SCARA5: variants seen among roughly 807,000 people sequenced by gnomAD.
SCARA5 encodes scavenger receptor class A, member 5 (putative).
SCARA5 carries 45 observed loss-of-function variants against 46.3 expected under a neutral mutation model. The observed-to-expected ratio is 0.97, with a 90% CI of 0.76 to 1.24. The LOEUF is 1.24. SCARA5 is among the 50% of genes most tolerant of loss of function. SCARA5 has a pLI of 0.00. For missense variants in SCARA5, 680 were observed against 689.0 expected (o/e 0.99, Z 0.15); for synonymous variants, 333 against 306.5 (o/e 1.09, Z -0.90).
intron 2 of SCARA5, among the ~76,000 whole-genome samples, chr8:27,982,902 C>T (rs950630447): frequency 2.6e-5 from 4 of 151,960 alleles, no homozygotes; most frequent in Admixed American, 6.5e-5. Flanking sequence ...AAATGAGGGG[C>T]GAGAAGGAAA....
intron 3 of SCARA5, among the ~76,000 whole-genome samples, chr8:27,951,772 G>A (rs775776763): frequency 3.9e-5 from 6 of 152,310 alleles, no homozygotes; most frequent in South Asian, 2.1e-4. Flanking sequence ...GAGGAGGTCC[G>A]GAATCCCTTC....
chr8:27,940,201 C>T (rs1563532682), intron 3 of SCARA5, among the ~76,000 whole-genome samples: 2 of 152,132 alleles, frequency 1.3e-5, no homozygotes, highest in South Asian at 2.1e-4. Context: ...CTTGTTGAGC[C>T]GGTCATAAAG....
At chr8:27,965,490 G>A (rs538250655) in intron 3 of SCARA5, among the ~76,000 whole-genome samples, 85 of 152,038 alleles carry the variant, frequency 5.6e-4, no homozygotes, top group Admixed American at 2.0e-3. Context: ...CCATCACAGT[G>A]CCCGCTGCAT....
At chr8:27,961,592 T>C (rs1259441492) in intron 3 of SCARA5, among the ~76,000 whole-genome samples, 1 of 152,224 alleles carries the variant, frequency 6.6e-6, no homozygotes, top group Non-Finnish European at 1.5e-5. Context: ...AAGGGAGTTC[T>C]TGGCCAAGTG....
chr8:27,884,982 G>A (rs752349674), intron 7 of SCARA5, among the ~76,000 whole-genome samples: 4 of 151,960 alleles, frequency 2.6e-5, no homozygotes, highest in Non-Finnish European at 5.9e-5. Context: ...TTGGACAAGT[G>A]GAGGAGGGAG....
In SCARA5 at chr8:27,870,616, TCC is replaced by T. The variant is rs961071804; in HGVS notation, c.*1316_*1317del. The T allele has an allele frequency of 3.3e-5, 5 of 152,076 alleles. No individual in the cohort carries two copies. The highest frequency in any genetic ancestry group is 5.9e-5 in the Non-Finnish European group (4 of 68,018). The allele number at this position is 152,076 out of a possible 1,614,324, so 9.4% of individuals were successfully genotyped here. The stretch of plus-strand genomic sequence containing the variant: ...CTGCACTCACTTGCTACCAGGTAGC[TCC>T]CCTAGTTCTTGAACATGTGTATGGC... On this transcript the variant is annotated 3_prime_UTR_variant, in exon 9 of 9. Transcript: ENST00000354914.
intron 7 of SCARA5, among the ~76,000 whole-genome samples, chr8:27,895,079 T>C (rs754086521): frequency 1.3e-5 from 2 of 152,146 alleles, no homozygotes; most frequent in Non-Finnish European, 2.9e-5. Flanking sequence ...AGCTCCTTTA[T>C]GTTTGTTTTC....
chr8:27,975,092 A>T (rs1585522860), intron 2 of SCARA5, among the ~76,000 whole-genome samples: 2 of 152,116 alleles, frequency 1.3e-5, no homozygotes, highest in East Asian at 3.9e-4. Context: ...CTTACCCCCA[A>T]CCTCCAGGAA....
At chr8:27,976,133 G>A (rs1173509722) in intron 2 of SCARA5, among the ~76,000 whole-genome samples, 2 of 152,186 alleles carry the variant, frequency 1.3e-5, no homozygotes, top group East Asian at 3.9e-4. Flanking sequence ...CTGAGGGGTG[G>A]AGAGAGGAAG....
intron 3 of SCARA5, among the ~76,000 whole-genome samples, chr8:27,939,953 A>G (rs558772576): frequency 1.3e-5 from 2 of 152,288 alleles, no homozygotes; most frequent in South Asian, 2.1e-4. Context: ...GTTGCGTTAG[A>G]GGCCCCTCCT....
intron 7 of SCARA5, among the ~76,000 whole-genome samples, chr8:27,898,942 G>A (rs1373104859): frequency 1.3e-5 from 2 of 152,228 alleles, no homozygotes; most frequent in East Asian, 3.9e-4. Context: ...TGCCCAGAGA[G>A]GGCAGGGAAG....
chr8:27,914,202 C>T (rs1019646872), intron 4 of SCARA5, among the ~76,000 whole-genome samples: 6 of 152,232 alleles, frequency 3.9e-5, no homozygotes, highest in Non-Finnish European at 8.8e-5. Context: ...TCCTCCTTCA[C>T]CTCCTGCCAT....
intron 8 of SCARA5, among the ~76,000 whole-genome samples, chr8:27,877,651 T>C (rs571240333): frequency 6.6e-6 from 1 of 152,350 alleles, no homozygotes; most frequent in Admixed American, 6.5e-5. Context: ...CCTATTCTAA[T>C]CAACAACAAC....
Position 27,891,083 on chromosome 8 carries a change from G to T in SCARA5, c.1154-11317C>A, listed in dbSNP as rs1487485385. 3.9e-5 allele frequency among the ~76,000 whole-genome samples: 6 copies of T among 152,210 alleles called. No individual in the cohort carries two copies. The East Asian group carries it at 5.8e-4, about 15-fold the overall frequency. ...ACTGTCCCATGGGCCTCTCAGGGTTGTTGAGGGGATCAGTGACAAAGACTC... is the reference window on the plus strand; with the variant it reads ...ACTGTCCCATGGGCCTCTCAGGGTTTTTGAGGGGATCAGTGACAAAGACTC... On this transcript the variant is annotated intron_variant, in intron 7 of 8. Coordinates refer to ENST00000354914, the MANE Select transcript of SCARA5 (RefSeq NM_173833.6).
intron 4 of SCARA5, among the ~76,000 whole-genome samples, chr8:27,918,284 T>C (rs1376248247): frequency 1.3e-5 from 2 of 152,176 alleles, no homozygotes. Flanking sequence ...TACCCTGCCC[T>C]CTACAACATC....
At chr8:27,948,092 GA>G (rs1265835497) in intron 3 of SCARA5, among the ~76,000 whole-genome samples, 1 of 152,164 alleles carries the variant, frequency 6.6e-6, no homozygotes, top group Non-Finnish European at 1.5e-5. Flanking sequence ...TAATGTCACT[GA>G]CCCTTACACT....
rs1204339619 is a variant in SCARA5 at position 27,921,886 on chromosome 8, G to A, written c.601C>T (p.Arg201Cys). ...ESNSSQLLLR[R>C]HAGLLDGLAR... ...AGCCCGTCCAGCAGGCCCGCGTGGC[G>A]CCTCAGCAGCAGCTGGCTACTGTTG... The change falls in exon 4 of 9, where the codon CGC (arginine) becomes TGC (cysteine). Residue 201 changes from arginine (R) to cysteine (C), a missense_variant. Physicochemically the swap from Arg to Cys is radical, Grantham distance 180. Around this residue, in one of 3 missense-constraint regions of SCARA5, gnomAD observed 438 missense variants for 384.5 expected, o/e 1.14. Transcript: ENST00000354914. 8 of 1,496,788 alleles carry A rather than the reference G, an allele frequency of 5.3e-6. No individual in the cohort carries two copies. The highest frequency in any genetic ancestry group is 1.8e-4 in the Middle Eastern group (1 of 5,538). 92.7% of individuals were successfully genotyped at this position (1,496,788 alleles called of 1,614,324 possible).
chr8:27,938,088 AGC>A (rs1229597443), intron 3 of SCARA5, among the ~76,000 whole-genome samples: 2 of 152,042 alleles, frequency 1.3e-5, no homozygotes, highest in African/African-American at 4.8e-5. Context: ...CCCATTTCCA[AGC>A]TGTGGTCTTG....
At chr8:27,954,890 T>C (rs34117693) in intron 3 of SCARA5, among the ~76,000 whole-genome samples, 33,173 of 152,192 alleles carry the variant, frequency 0.22, 3,833 homozygotes, top group Non-Finnish European at 0.26. Context: ...GATGCCATTT[T>C]TCCAAAGCTC....
Sources: allele counts gnomAD v4.1 joint callset (sites outside exome capture counted in the v4.1 genomes callset), GRCh38; gene constraint gnomAD v4.1.1; regional missense constraint gnomAD v4.1.1; transcripts MANE v1.5; gene names NCBI Gene and HGNC (gene_info 2026-07-23, HGNC 2026-07-21).